Variants in FAM118A observed in about 807,000 individuals in gnomAD.
The protein encoded by FAM118A is SIR2 antiphage like 2, also known as protein FAM118A.
Under a neutral mutation model 38.2 loss-of-function variants are expected in FAM118A, and 25 were observed. The ratio of observed to expected loss-of-function variants is 0.65; its 90% CI spans 0.48 to 0.91. FAM118A has a LOEUF of 0.91. FAM118A is among the 40% of genes least tolerant of loss of function. FAM118A has a pLI of 0.00. For synonymous variants in FAM118A, 178 were observed against 184.1 expected (o/e 0.97, Z 0.27); for missense variants, 425 against 463.3 (o/e 0.92, Z 0.76).
At chr22:45,333,403 G>A (rs987794431) in intron 6 of FAM118A, among the ~76,000 whole-genome samples, 1 of 151,930 alleles carries the variant, frequency 6.6e-6, no homozygotes, top group Admixed American at 6.6e-5. Context: ...GAGCGGGCGC[G>A]ATAGCTCACG....
At chr22:45,315,647 G>C (rs1388981621) in intron 1 of FAM118A, among the ~76,000 whole-genome samples, 1 of 151,758 alleles carries the variant, frequency 6.6e-6, no homozygotes, top group Non-Finnish European at 1.5e-5. Flanking sequence ...GGGGAAACAG[G>C]TTTAGAGAGG....
chr22:45,336,677 G>GTC (rs892735596), intron 8 of FAM118A, among the ~76,000 whole-genome samples: 16 of 152,222 alleles, frequency 1.1e-4, no homozygotes, highest in African/African-American at 3.9e-4. Flanking sequence ...GCAGCGGGCA[G>GTC]AAGGTGCTCT....
At chr22:45,311,284 G>A (rs911294125) in intron 1 of FAM118A, among the ~76,000 whole-genome samples, 4 of 152,212 alleles carry the variant, frequency 2.6e-5, no homozygotes, top group Admixed American at 2.6e-4. Flanking sequence ...GTTGGAAGGC[G>A]GGAGGTGTGG....
intron 2 of FAM118A, 101 bp from the exon 3 acceptor site, chr22:45,323,074 T>TGTGTGTGTAC: frequency 8.0e-7 from 1 of 1,256,014 alleles, no homozygotes; most frequent in Non-Finnish European, 1.1e-6. Flanking sequence ...TGTGTGTGTG[T>TGTGTGTGTAC]GTACACAGCA....
chr22:45,337,700 C>A, intron 8 of FAM118A: 1 of 309,702 alleles, frequency 3.2e-6, no homozygotes, highest in Non-Finnish European at 4.7e-6. Context: ...ACCTCCTGAG[C>A]TCCCCTCCTT....
chr22:45,320,465 C>G (rs1242103313), intron 1 of FAM118A, among the ~76,000 whole-genome samples: 1 of 113,152 alleles, frequency 8.8e-6, no homozygotes, highest in Non-Finnish European at 1.7e-5. Context: ...AAGACAGGGT[C>G]TCACTCTGCG....
At chr22:45,340,163 C>T (rs777152582) in intron 8 of FAM118A, among the ~76,000 whole-genome samples, 37 of 152,210 alleles carry the variant, frequency 2.4e-4, no homozygotes, top group Non-Finnish European at 4.4e-4. Flanking sequence ...TCCCACAGAT[C>T]GTTGCAAATG....
rs2086457126 is a variant in FAM118A, at chr22:45,341,614, TGA to T, written c.*1211_*1212del. ...GTTCACCCACATGAAACGGCTGTGC[TGA>T]GTGTGCTGCCGGTGCCCGGGGAGCT... On this transcript the variant is annotated 3_prime_UTR_variant, in exon 9 of 9. Transcript: ENST00000441876. 1.3e-5 allele frequency: 2 copies of T among 152,264 alleles called. No homozygotes were observed. The highest frequency in any genetic ancestry group is 4.1e-4 in the South Asian group (2 of 4,834). 9.4% of individuals were successfully genotyped at this position (152,264 alleles called of 1,614,324 possible). A position where few individuals can be genotyped will look rare whatever the true frequency, so the allele number is the denominator to read the frequency against.
rs764210500 is a variant in FAM118A at position 45,323,379 on chromosome 22, C to T, written c.252C>T (p.Asp84=). The part of the protein sequence containing the change: ...VAEFRRKVTK[D]RDLLVVAHDL... ...AGTTCCGGAGGAAAGTGACAAAGGA[C>T]CGGGACCTGTTGGTTGTCGCCCATG... Residue 84 remains aspartate (D), a synonymous_variant, in exon 3 of 9, where the codon GAC becomes GAT. Coordinates refer to ENST00000441876, the MANE Select transcript of FAM118A (RefSeq NM_017911.4). The T allele has an allele frequency of 2.5e-5, 40 of 1,614,044 alleles. No homozygotes were observed. The East Asian group carries it at 8.0e-4, about 32-fold the overall frequency.
rs140812208 is a variant in FAM118A, at chr22:45,317,013, C to T, written c.-9-5358C>T. Among the ~76,000 whole-genome samples the T allele has an allele frequency of 8.5e-5, 13 of 152,332 alleles. No individual in the cohort carries two copies. The East Asian group carries it at 2.5e-3, about 29-fold the overall frequency. On this transcript the variant is annotated intron_variant, in intron 1 of 8. Transcript: ENST00000441876. ...CCTCTTGCTTCATTGTAATCAGATG[C>T]TGCTTGGACACCCTTATCTCCTTGC...
rs1164958108 is a variant in FAM118A, at chr22:45,322,536, AAC to A, written c.47+113_47+114del. ...CCTGCAAGGGCGAAAGTGAAATGGA[AAC>A]ACTGGGGCATGAGAGAACCTCGAGG... On this transcript the variant is annotated intron_variant, in intron 2 of 8. Coordinates refer to ENST00000441876, the MANE Select transcript of FAM118A (RefSeq NM_017911.4). 6.3e-6 allele frequency: 6 copies of A among 951,656 alleles called. No individual in the cohort carries two copies. In the Admixed American group the frequency reaches 1.4e-4, roughly 22 times the overall value. 59.0% of individuals were successfully genotyped at this position (951,656 alleles called of 1,614,324 possible). A position where few individuals can be genotyped will look rare whatever the true frequency, so the allele number is the denominator to read the frequency against.
chr22:45,331,278 C>T (rs1050661938), intron 5 of FAM118A, among the ~76,000 whole-genome samples: 5 of 152,088 alleles, frequency 3.3e-5, no homozygotes, highest in Non-Finnish European at 7.4e-5. Flanking sequence ...GAACTGGGAT[C>T]GCACCACTGC....
chr22:45,322,264 G>C, intron 1 of FAM118A, 107 bp from the exon 2 acceptor site: 1 of 1,575,092 alleles, frequency 6.3e-7, no homozygotes, highest in East Asian at 2.3e-5. Flanking sequence ...TTTAAGTAAA[G>C]ATTGAGGACC....
At chr22:45,336,237 G>A in intron 7 of FAM118A, 91 bp from the exon 8 acceptor site, 1 of 937,040 alleles carries the variant, frequency 1.1e-6, no homozygotes, top group Non-Finnish European at 1.7e-6. Flanking sequence ...GGGTCTGCTT[G>A]GCCAGTGCTT....
intron 7 of FAM118A, 52 bp downstream of exon 7, chr22:45,335,434 T>C: frequency 6.3e-7 from 1 of 1,592,496 alleles, no homozygotes; most frequent in Non-Finnish European, 8.6e-7. Flanking sequence ...CACATTCCAT[T>C]GTCTTCTGTC....
At chr22:45,324,460 C>T (rs964582079) in intron 3 of FAM118A, among the ~76,000 whole-genome samples, 12 of 152,232 alleles carry the variant, frequency 7.9e-5, no homozygotes, top group African/African-American at 1.9e-4. Flanking sequence ...TCACATACAC[C>T]GCTTCTGTTT....
chr22:45,315,040 C>T (rs923137171), intron 1 of FAM118A, among the ~76,000 whole-genome samples: 10 of 152,200 alleles, frequency 6.6e-5, no homozygotes, highest in African/African-American at 2.4e-4. Flanking sequence ...GTGTAAAACG[C>T]TTAGCATTTT....
intron 3 of FAM118A, among the ~76,000 whole-genome samples, chr22:45,325,971 G>T (rs1175860731): frequency 6.6e-6 from 1 of 152,154 alleles, no homozygotes; most frequent in Non-Finnish European, 1.5e-5. Flanking sequence ...CCTGGGAACA[G>T]TGGGAGGGTT....
chr22:45,320,867 T>G (rs926225283), intron 1 of FAM118A, among the ~76,000 whole-genome samples: 2 of 152,142 alleles, frequency 1.3e-5, no homozygotes, highest in Admixed American at 6.5e-5. Flanking sequence ...ACTCTCTAAC[T>G]CAGCAGTTCT....
Sources: allele counts gnomAD v4.1 joint callset (sites outside exome capture counted in the v4.1 genomes callset), GRCh38; gene constraint gnomAD v4.1.1; transcripts MANE v1.5; gene names NCBI Gene and HGNC (gene_info 2026-07-23, HGNC 2026-07-21).